DMD: variants seen among roughly 807,000 people sequenced by gnomAD.
DMD encodes the protein dystrophin, also known as mutant dystrophin.
Under a neutral mutation model 330.1 loss-of-function variants are expected in DMD, and 63 were observed. The observed-to-expected ratio is 0.19, with a 90% confidence interval of 0.16 to 0.24. The LOEUF (loss-of-function observed/expected upper bound fraction) is 0.24, where lower values mean the gene tolerates loss of function less well. Ranked by LOEUF, DMD falls within the 10% of genes least tolerant of loss-of-function variation. DMD has a pLI of 1.00. For missense variants in DMD, 3,344 were observed against 2,684.1 expected, an observed-to-expected ratio of 1.25 and a Z score of -5.43; for synonymous variants, 1,223 against 959.8, an observed-to-expected ratio of 1.27 and a Z score of -5.07.
rs201878361 is a variant in DMD, at chrX:33,056,286, AT to A, written c.32-36087del. 9.6e-3 allele frequency among the ~76,000 whole-genome samples: 1,055 copies of A among 110,213 alleles called. 12 individuals carry two copies. Among genetic ancestry groups the A allele is most frequent in the African/African-American group, 0.033 (1,007 of 30,318 alleles). On this transcript the variant is annotated intron_variant, in intron 1 of 78. Transcript: ENST00000357033. ...CCTCTTCCTCTTTTCTCACATGGGC[AT>A]TAACATCCCCACTCCTCTACCTTCT... is the stretch of plus-strand genomic sequence containing the variant.
intron 59 of DMD, among the ~76,000 whole-genome samples, chrX:31,473,537 T>C (rs1452085860): frequency 1.9e-5 from 2 of 107,909 alleles, no homozygotes; most frequent in Non-Finnish European, 3.8e-5. Flanking sequence ...CTGGCCAACA[T>C]GGTGAAACCC....
chrX:32,338,494 C>T (rs1377303563), intron 41 of DMD, among the ~76,000 whole-genome samples: 2 of 110,690 alleles, frequency 1.8e-5, no homozygotes, highest in South Asian at 3.8e-4. Flanking sequence ...ATATAATGGC[C>T]TATTCTTACT....
At chrX:32,439,213 T>C (rs188458084) in intron 28 of DMD, among the ~76,000 whole-genome samples, 358 of 111,916 alleles carry the variant, frequency 3.2e-3, no homozygotes, top group Non-Finnish European at 5.4e-3. Context: ...GTTTTCCTTG[T>C]TTTAAAAAAA....
intron 43 of DMD, among the ~76,000 whole-genome samples, chrX:32,227,354 T>C (rs1299414105): frequency 4.2e-5 from 4 of 95,386 alleles, no homozygotes; most frequent in Non-Finnish European, 8.3e-5. Flanking sequence ...CAATTTCATA[T>C]ACACAATGAA....
At chrX:32,854,165 T>C (rs2081360790) in intron 2 of DMD, among the ~76,000 whole-genome samples, 1 of 111,483 alleles carries the variant, frequency 9.0e-6, no homozygotes, top group South Asian at 3.7e-4. Flanking sequence ...TAGGAAACAT[T>C]GAACTTAATC....
chrX:32,600,402 C>T (rs930187507), intron 12 of DMD, among the ~76,000 whole-genome samples: 2 of 110,778 alleles, frequency 1.8e-5, no homozygotes, highest in Non-Finnish European at 3.8e-5. Context: ...CCTGTAAATT[C>T]GATGGGAGAA....
intron 44 of DMD, among the ~76,000 whole-genome samples, chrX:32,073,320 A>G (rs2096315738): frequency 8.9e-6 from 1 of 111,747 alleles, no homozygotes; most frequent in Admixed American, 9.5e-5. Flanking sequence ...GCAAATTACT[A>G]TATGTGAGCA....
intron 42 of DMD, among the ~76,000 whole-genome samples, chrX:32,296,062 C>T (rs1031594724): frequency 5.3e-5 from 6 of 112,238 alleles, no homozygotes; most frequent in Non-Finnish European, 9.4e-5. Context: ...AAGCTCGTTG[C>T]TTCCCGAATA....
At chrX:32,300,264 CG>C (rs1413687167) in intron 42 of DMD, among the ~76,000 whole-genome samples, 1 of 111,685 alleles carries the variant, frequency 9.0e-6, no homozygotes, top group Non-Finnish European at 1.9e-5. Context: ...TATGGTCAGA[CG>C]TGAGCTATTC....
At chrX:31,345,518 G>A (rs779829357) in intron 61 of DMD, among the ~76,000 whole-genome samples, 5 of 111,685 alleles carry the variant, frequency 4.5e-5, no homozygotes, top group African/African-American at 6.5e-5. Flanking sequence ...GGGGAGTCAG[G>A]GAGAAGAAAA....
intron 1 of DMD, among the ~76,000 whole-genome samples, chrX:33,165,563 A>G (rs1272075294): frequency 2.7e-5 from 3 of 111,303 alleles, no homozygotes; most frequent in African/African-American, 9.8e-5. Flanking sequence ...TTTAGAATAT[A>G]CAGGAGAATA....
At chrX:32,825,457 G>A (rs964140240) in intron 4 of DMD, among the ~76,000 whole-genome samples, 5 of 111,545 alleles carry the variant, frequency 4.5e-5, no homozygotes, top group Admixed American at 3.8e-4. Context: ...GTGTCAAAAA[G>A]TTCACAACAG....
chrX:32,581,959 C>T (rs1485830686), intron 13 of DMD, among the ~76,000 whole-genome samples: 10 of 111,766 alleles, frequency 8.9e-5, no homozygotes, highest in African/African-American at 3.3e-4. Context: ...ACGACCATCT[C>T]AAATGATTCT....
intron 44 of DMD, among the ~76,000 whole-genome samples, chrX:32,075,571 C>T (rs1017959532): frequency 9.0e-6 from 1 of 111,373 alleles, no homozygotes; most frequent in African/African-American, 3.3e-5. Flanking sequence ...CTTGTGAAAC[C>T]GTTGTTTATC....
intron 2 of DMD, among the ~76,000 whole-genome samples, chrX:33,009,569 T>C (rs866147202): frequency 2.2e-5 from 1 of 45,187 alleles, no homozygotes; most frequent in African/African-American, 5.8e-5. Context: ...TGTGTGTATG[T>C]GTATATACAC....
chrX:32,115,413 C>T (rs899807479), intron 44 of DMD, among the ~76,000 whole-genome samples: 3 of 110,042 alleles, frequency 2.7e-5, no homozygotes, highest in Admixed American at 9.7e-5. Flanking sequence ...TTTTTGCGCG[C>T]GTGTGTGTGT....
At chrX:33,143,950 T>C (rs2084642073) in intron 1 of DMD, among the ~76,000 whole-genome samples, 1 of 111,634 alleles carries the variant, frequency 9.0e-6, no homozygotes. Context: ...AAAAATCTGA[T>C]ATCCAAAGAC....
At chrX:31,971,856 G>T (rs1260501686) in intron 44 of DMD, among the ~76,000 whole-genome samples, 5 of 111,471 alleles carry the variant, frequency 4.5e-5, no homozygotes, top group Non-Finnish European at 5.7e-5. Flanking sequence ...GCTGTCATAG[G>T]CATTCTTATC....
chrX:31,652,157 C>T (rs1190972650), intron 54 of DMD, among the ~76,000 whole-genome samples: 1 of 111,553 alleles, frequency 9.0e-6, no homozygotes, highest in Non-Finnish European at 1.9e-5. Context: ...CTACTTTTTC[C>T]CCCCCAATTA....
Sources: allele counts gnomAD v4.1 joint callset (sites outside exome capture counted in the v4.1 genomes callset), GRCh38; gene constraint gnomAD v4.1.1; transcripts MANE v1.5; gene names NCBI Gene and HGNC (gene_info 2026-07-23, HGNC 2026-07-21).